The following COPA variants were observed in gnomAD, a reference collection of about 807,000 sequenced individuals.
The protein encoded by COPA is coat protein complex I subunit alpha, also known as coatomer subunit alpha.
Under a neutral mutation model 158.7 loss-of-function variants are expected in COPA, and 10 were observed. That is an observed-to-expected ratio of 0.06 (90% CI 0.04 to 0.11). COPA has a LOEUF of 0.11. Ranked by LOEUF, COPA falls within the 10% of genes least tolerant of loss-of-function variation. COPA has a pLI of 1.00. For missense variants in COPA, 1,065 were observed against 1,536.7 expected, an observed-to-expected ratio of 0.69 and a Z score of 5.13; for synonymous variants, 462 against 542.8, an observed-to-expected ratio of 0.85 and a Z score of 2.07.
intron 7 of COPA, 28 bp downstream of exon 7, chr1:160,325,515 T>C: frequency 2.5e-6 from 4 of 1,570,858 alleles, no homozygotes; most frequent in Non-Finnish European, 3.5e-6. Flanking sequence ...ACAGCCCATA[T>C]TCAGCCCCTG....
chr1:160,323,276 ATATTT>A (rs1447620271), intron 8 of COPA, among the ~76,000 whole-genome samples, 150 bp downstream of exon 8: 23 of 152,198 alleles, frequency 1.5e-4, no homozygotes, highest in Admixed American at 6.5e-5. Context: ...TAAAGATGAT[ATATTT>A]TATTTGTAAA....
At chr1:160,302,013 T>C (rs1210863918) in intron 17 of COPA, among the ~76,000 whole-genome samples, 1 of 152,146 alleles carries the variant, frequency 6.6e-6, no homozygotes, top group Non-Finnish European at 1.5e-5. Flanking sequence ...GTCATCATGT[T>C]AATTCCACAT....
intron 6 of COPA, among the ~76,000 whole-genome samples, chr1:160,328,979 G>A (rs1647383385): frequency 6.6e-6 from 1 of 152,136 alleles, no homozygotes; most frequent in Admixed American, 6.6e-5. Context: ...CTAAATTTGG[G>A]AGTATTCATA....
At chr1:160,328,038 A>G (rs1007731733) in intron 6 of COPA, among the ~76,000 whole-genome samples, 1 of 152,238 alleles carries the variant, frequency 6.6e-6, no homozygotes, top group Non-Finnish European at 1.5e-5. Flanking sequence ...GAAGGCCACA[A>G]CAATTTTAAT....
At chr1:160,294,718 C>A (rs370761621) in intron 24 of COPA, 50 bp downstream of exon 24, 1 of 1,604,210 alleles carries the variant, frequency 6.2e-7, no homozygotes, top group African/African-American at 1.3e-5. Flanking sequence ...AACCCAGTCC[C>A]AATCCAAGGT....
At chr1:160,313,461 C>A (rs1170050948) in intron 9 of COPA, among the ~76,000 whole-genome samples, 1 of 151,284 alleles carries the variant, frequency 6.6e-6, no homozygotes, top group Non-Finnish European at 1.5e-5. Flanking sequence ...GTTGCCCAGG[C>A]TGGAGTGCAG....
chr1:160,318,507 A>C (rs1659232670), intron 8 of COPA, among the ~76,000 whole-genome samples: 1 of 134,578 alleles, frequency 7.4e-6, no homozygotes. Context: ...AAAAAAAAAA[A>C]ACACTAATGT....
At chr1:160,328,520 G>C (rs1490785769) in intron 6 of COPA, among the ~76,000 whole-genome samples, 1 of 152,100 alleles carries the variant, frequency 6.6e-6, no homozygotes, top group African/African-American at 2.4e-5. Context: ...AGGGAGGAGA[G>C]GACACTCTCA....
Position 160,329,458 on chromosome 1 carries a change from T to C in COPA, c.496+2990A>G, listed in dbSNP as rs142204899. Among the ~76,000 whole-genome samples the C allele has an allele frequency of 1.9e-3, 290 of 151,948 alleles. 2 individuals carry two copies. The highest frequency in any genetic ancestry group is 6.4e-3 in the African/African-American group (266 of 41,444). ...AGGGCCCTTAATTTTGATGTAAAAA[T>C]GTTCTCTGTCTGCAAAAGGTAAAGA... On this transcript the variant is annotated intron_variant, in intron 6 of 32. Coordinates refer to ENST00000241704, the MANE Select transcript of COPA (RefSeq NM_004371.4).
intron 11 of COPA, among the ~76,000 whole-genome samples, chr1:160,311,088 G>A (rs537816103): frequency 9.2e-5 from 14 of 152,140 alleles, no homozygotes; most frequent in African/African-American, 2.9e-4. Context: ...TAAACTGAGC[G>A]GGCTCATCTA....
chr1:160,305,352 G>T, intron 17 of COPA, 81 bp downstream of exon 17: 1 of 1,394,886 alleles, frequency 7.2e-7, no homozygotes. Context: ...ATTCATGGAG[G>T]ACTTCAGTTA....
At chr1:160,295,627 G>C (rs1250170421) in intron 23 of COPA, 109 bp downstream of exon 23, 13 of 1,099,488 alleles carry the variant, frequency 1.2e-5, no homozygotes, top group African/African-American at 1.6e-5. Flanking sequence ...ATTCCATTAG[G>C]CTCCATGCAG....
chr1:160,299,242 G>T lies in COPA; in HGVS notation c.1690C>A (p.Leu564Met), dbSNP rs1359293665. The change falls in exon 18 of 33, where the codon CTG becomes ATG. Residue 564 changes from leucine to methionine, a missense_variant. Leu to Met is a conservative substitution (Grantham distance 15). Coordinates refer to ENST00000241704, the MANE Select transcript of COPA (RefSeq NM_004371.4). ...CGTGTGACATAGATGGGTAAATCCAGAGTTCGAATGATCCCGTGGTCCCTA... is the reference window on the plus strand; with the variant it reads ...CGTGTGACATAGATGGGTAAATCCATAGTTCGAATGATCCCGTGGTCCCTA... ...TTGDHGIIRT[L>M]DLPIYVTRVK... 6.2e-7 allele frequency: 1 copy of T among 1,613,200 alleles called. No individual in the cohort carries two copies. The highest frequency in any genetic ancestry group is 2.2e-5 in the East Asian group (1 of 44,840).
In COPA at chr1:160,299,288, CAGTA is replaced by C. The variant is rs760548134; in HGVS notation, c.1668-28_1668-25del. 7 of 1,586,196 alleles carry C rather than the reference CAGTA, an allele frequency of 4.4e-6. No individual in the cohort carries two copies. In the Admixed American group the frequency reaches 5.2e-5, roughly 12 times the overall value. On this transcript the variant is annotated intron_variant, in intron 17 of 32. Coordinates refer to ENST00000241704, the MANE Select transcript of COPA (RefSeq NM_004371.4). ...CCCTAAGAACAGAGGGCACAGCTTT[CAGTA>C]AGTGAGAGGGAAAATCCATCCTGTG...
At chr1:160,305,965 TA>T in intron 15 of COPA, 192 bp from the exon 16 acceptor site, 1 of 609,564 alleles carries the variant, frequency 1.6e-6, no homozygotes, top group Non-Finnish European at 2.9e-6. Context: ...ATTGTGCACT[TA>T]CCCCTTCCTC....
chr1:160,331,463 G>A (rs1647511374), intron 6 of COPA, among the ~76,000 whole-genome samples: 1 of 151,922 alleles, frequency 6.6e-6, no homozygotes, highest in Non-Finnish European at 1.5e-5. Context: ...GACCAGCCTG[G>A]CTAACATGGT....
chr1:160,312,043 A>T (rs373126762), intron 10 of COPA, 25 bp from the exon 11 acceptor site: 22 of 1,606,822 alleles, frequency 1.4e-5, no homozygotes, highest in Admixed American at 5.0e-5. Flanking sequence ...GAGGAGGAGA[A>T]AAAATTAAGC....
chr1:160,314,371 G>A (rs1659070245), intron 8 of COPA, among the ~76,000 whole-genome samples: 1 of 152,126 alleles, frequency 6.6e-6, no homozygotes, highest in South Asian at 2.1e-4. Context: ...GCTCACACCT[G>A]TAATCCCAGA....
chr1:160,299,160 G>T lies in COPA; in HGVS notation c.1772C>A (p.Thr591Asn), dbSNP rs1032077330. 2 of 1,614,178 alleles carry T rather than the reference G, an allele frequency of 1.2e-6. No homozygotes were observed. The highest frequency in any genetic ancestry group is 1.7e-5 in the Admixed American group (1 of 60,022). ...GAATTTGAACTCAGTGGGATCAATG[G>T]TGAGTACCCGGGGACGACACTCCCT... is the stretch of plus-strand genomic sequence containing the variant. Reference protein sequence around the residue: ...LDRECRPRVLTIDPTEFKFKL... With the variant: ...LDRECRPRVLNIDPTEFKFKL... The change falls in exon 18 of 33, where the codon ACC (threonine) becomes AAC (asparagine). Residue 591 changes from threonine (T) to asparagine (N), a missense_variant. Thr to Asn is a moderately conservative substitution (Grantham distance 65). This residue lies in a region of COPA where 980 missense variants were observed against 1,357.8 expected (regional missense o/e 0.72). Coordinates refer to ENST00000241704, the MANE Select transcript of COPA (RefSeq NM_004371.4).
Sources: allele counts gnomAD v4.1 joint callset (sites outside exome capture counted in the v4.1 genomes callset), GRCh38; gene constraint gnomAD v4.1.1; regional missense constraint gnomAD v4.1.1; transcripts MANE v1.5; gene names NCBI Gene and HGNC (gene_info 2026-07-23, HGNC 2026-07-21).